Variants in CLEC17A observed in about 807,000 individuals in gnomAD.
The protein encoded by CLEC17A is C-type lectin domain family 17, member A.
A neutral mutation model predicts 61.3 loss-of-function variants in CLEC17A; 37 were observed. That is an observed-to-expected ratio of 0.60 (90% CI 0.46 to 0.79). The LOEUF (loss-of-function observed/expected upper bound fraction) is 0.79, where lower values mean the gene tolerates loss of function less well. Among genes scored for constraint, CLEC17A ranks in the 30% least tolerant of loss-of-function variants. The probability of loss-of-function intolerance (pLI) is 0.00; values close to 1 mark genes in which losing one functional copy is unlikely to be tolerated. For synonymous variants in CLEC17A, 168 were observed against 164.9 expected, an observed-to-expected ratio of 1.02 and a Z score of -0.14; for missense variants, 418 against 464.7, an observed-to-expected ratio of 0.90 and a Z score of 0.92.
chr19:14,584,224 A>G (rs1413034522), intron 2 of CLEC17A: 1 of 151,994 alleles, frequency 6.6e-6, no homozygotes, highest in Non-Finnish European at 1.5e-5. Flanking sequence ...TTTGGCATCA[A>G]TATGGTGATG....
At chr19:14,603,756 G>A (rs924044342) in intron 12 of CLEC17A, among the ~76,000 whole-genome samples, 1 of 152,136 alleles carries the variant, frequency 6.6e-6, no homozygotes, top group East Asian at 1.9e-4. Context: ...GTGAGCCACC[G>A]TGCCCTAACC....
At chr19:14,596,163 C>T (rs1006591907) in intron 8 of CLEC17A, among the ~76,000 whole-genome samples, 1 of 151,876 alleles carries the variant, frequency 6.6e-6, no homozygotes, top group African/African-American at 2.4e-5. Context: ...GCTTCCTTGA[C>T]CTAGGAGCAA....
At chr19:14,608,087 GT>G (rs1388613786) in intron 13 of CLEC17A, among the ~76,000 whole-genome samples, 9 of 151,986 alleles carry the variant, frequency 5.9e-5, no homozygotes, top group African/African-American at 9.6e-5. Flanking sequence ...GCCCAGGCTG[GT>G]TTTGAACTTC....
intron 10 of CLEC17A, among the ~76,000 whole-genome samples, chr19:14,598,940 G>A (rs1353821007): frequency 6.6e-6 from 1 of 151,864 alleles, no homozygotes; most frequent in Non-Finnish European, 1.5e-5. Context: ...GGACAGAGCA[G>A]GACTGTGTCT....
At chr19:14,597,444 T>C (rs940585740) in intron 10 of CLEC17A, among the ~76,000 whole-genome samples, 4 of 152,174 alleles carry the variant, frequency 2.6e-5, no homozygotes, top group East Asian at 1.9e-4. Flanking sequence ...GAGCACTAAG[T>C]ATGAAATACA....
At chr19:14,585,368 T>G (rs1450177826) in intron 2 of CLEC17A, among the ~76,000 whole-genome samples, 1 of 152,254 alleles carries the variant, frequency 6.6e-6, no homozygotes, top group Non-Finnish European at 1.5e-5. Flanking sequence ...CATATATGAC[T>G]CATATGACTC....
Position 14,611,729 on chromosome 19 carries a change from C to T in CLEC17A, c.*1533C>T, listed in dbSNP as rs888702632. Among the ~76,000 whole-genome samples, 5 of 152,114 alleles carry T rather than the reference C, an allele frequency of 3.3e-5. No homozygotes were observed. Among genetic ancestry groups the T allele is most frequent in the Non-Finnish European group, 7.4e-5 (5 of 68,020 alleles). On this transcript the variant is annotated 3_prime_UTR_variant, in exon 14 of 14. Coordinates refer to ENST00000417570, the MANE Select transcript of CLEC17A (RefSeq NM_001204118.2). ...TATAATTCACTTTACTTGCCAGGCA[C>T]AGTGGCTCACGCCTGTAATCCCAGC...
At chr19:14,601,697 C>T (rs1226779635) in intron 12 of CLEC17A, among the ~76,000 whole-genome samples, 1 of 152,170 alleles carries the variant, frequency 6.6e-6, no homozygotes, top group East Asian at 1.9e-4. Context: ...TAGCTCGTTG[C>T]AGCCTCAAAG....
chr19:14,587,889 G>T (rs1424516365), intron 3 of CLEC17A, among the ~76,000 whole-genome samples, 198 bp downstream of exon 3: 1 of 152,164 alleles, frequency 6.6e-6, no homozygotes, highest in South Asian at 2.1e-4. Flanking sequence ...TTGGTGAGCA[G>T]GGTGAGAGAG....
At chr19:14,593,724 G>T (rs1349118262) in intron 4 of CLEC17A, among the ~76,000 whole-genome samples, 2 of 151,980 alleles carry the variant, frequency 1.3e-5, no homozygotes, top group Non-Finnish European at 2.9e-5. Flanking sequence ...ACTTTGGGAG[G>T]CTGAGGCGGG....
At chr19:14,588,643 G>T (rs370142806) in intron 3 of CLEC17A, 1 of 151,944 alleles carries the variant, frequency 6.6e-6, no homozygotes, top group East Asian at 1.9e-4. Context: ...GCAGCATAGC[G>T]CGACCCCACT....
At chr19:14,600,335 C>G (rs557282032) in intron 12 of CLEC17A, among the ~76,000 whole-genome samples, 153 bp downstream of exon 12, 1 of 152,314 alleles carries the variant, frequency 6.6e-6, no homozygotes, top group South Asian at 2.1e-4. Context: ...AAGGTAGTAT[C>G]ATGCAGAGGT....
In CLEC17A at chr19:14,610,076, A is replaced by C; in HGVS notation, c.1017A>C (p.Pro339=). ...GSPVTLSFWE[P]EEPNNIHDED... Reference sequence around the variant, plus strand: ...TTCCTCCATCCAGCTTCTGGGAGCCAGAGGAACCCAATAACATCCACGATG... The same window carrying C: ...TTCCTCCATCCAGCTTCTGGGAGCCCGAGGAACCCAATAACATCCACGATG... The change falls in exon 14 of 14, where the codon CCA becomes CCC. Residue 339 remains proline (P), a synonymous_variant. Transcript: ENST00000417570. The C allele has an allele frequency of 6.2e-7, 1 of 1,613,412 alleles. No individual in the cohort carries two copies. The highest frequency in any genetic ancestry group is 8.5e-7 in the Non-Finnish European group (1 of 1,179,578).
chr19:14,594,153 T>C (rs910700762), intron 4 of CLEC17A, among the ~76,000 whole-genome samples: 2 of 151,660 alleles, frequency 1.3e-5, no homozygotes, highest in Non-Finnish European at 2.9e-5. Context: ...CGTGGTAGCA[T>C]ACGCCTGTAA....
Position 14,610,961 on chromosome 19 carries a change from C to A in CLEC17A, c.*765C>A, listed in dbSNP as rs1253559908. On this transcript the variant is annotated 3_prime_UTR_variant, in exon 14 of 14. Coordinates refer to ENST00000417570, the MANE Select transcript of CLEC17A (RefSeq NM_001204118.2). ...ACAGGCATGTGTCACCGTACCTGGCCGATATTTTTATTTTTATTTTTACTT... is the reference window on the plus strand; with the variant it reads ...ACAGGCATGTGTCACCGTACCTGGCAGATATTTTTATTTTTATTTTTACTT... 1 of 151,430 alleles carries A rather than the reference C, an allele frequency of 6.6e-6. No homozygotes were observed. Among genetic ancestry groups the A allele is most frequent in the Admixed American group, 6.6e-5 (1 of 15,160 alleles). 9.4% of individuals were successfully genotyped at this position (151,430 alleles called of 1,614,324 possible). A position where few individuals can be genotyped will look rare whatever the true frequency, so the allele number is the denominator to read the frequency against.
chr19:14,602,728 G>A (rs890600731), intron 12 of CLEC17A, among the ~76,000 whole-genome samples: 2 of 151,440 alleles, frequency 1.3e-5, no homozygotes. Flanking sequence ...TTATTTGTAT[G>A]AGTAGTTAAA....
At chr19:14,601,189 CA>C (rs2074706886) in intron 12 of CLEC17A, among the ~76,000 whole-genome samples, 1 of 152,080 alleles carries the variant, frequency 6.6e-6, no homozygotes, top group African/African-American at 2.4e-5. Flanking sequence ...AGGTGTGAGC[CA>C]CCACGCTGGG....
At position 14,587,669 on chromosome 19, in the gene CLEC17A, C is replaced by T. The variant is rs769602715; in HGVS notation, c.177C>T (p.Tyr59=). The part of the protein sequence containing the change: ...DDDYENSTPP[Y]KDLPPKPGTM... ...ACTATGAGAACTCAACACCTCCCTA[C>T]AAGGACCTTCCTCCCAAGCCAGGTA... Residue 59 remains tyrosine (Y), a synonymous_variant, in exon 3 of 14, where the codon TAC becomes TAT. Coordinates refer to ENST00000417570, the MANE Select transcript of CLEC17A (RefSeq NM_001204118.2). 7.5e-6 allele frequency: 12 copies of T among 1,603,750 alleles called. No individual in the cohort carries two copies. Among genetic ancestry groups the T allele is most frequent in the East Asian group, 2.3e-5 (1 of 44,422 alleles).
intron 5 of CLEC17A, 31 bp downstream of exon 5, chr19:14,594,580 A>G: frequency 1.2e-6 from 2 of 1,613,254 alleles, no homozygotes; most frequent in South Asian, 1.1e-5. Context: ...TAGGAGACCC[A>G]GAGCTGGCTT....
Sources: allele counts gnomAD v4.1 joint callset (sites outside exome capture counted in the v4.1 genomes callset), GRCh38; gene constraint gnomAD v4.1.1; transcripts MANE v1.5; gene names NCBI Gene and HGNC (gene_info 2026-07-23, HGNC 2026-07-21).